SCN7A: variants seen among roughly 807,000 people sequenced by gnomAD.
SCN7A encodes sodium voltage-gated channel alpha subunit 7, also known as sodium channel protein type 7 subunit alpha.
Under a neutral mutation model 155.2 loss-of-function variants are expected in SCN7A, and 138 were observed. The observed-to-expected ratio is 0.89, with a 90% CI of 0.77 to 1.02. SCN7A has a LOEUF of 1.02. Ranked by LOEUF, SCN7A falls within the 50% of genes least tolerant of loss-of-function variation. The pLI, the probability that SCN7A is intolerant of heterozygous loss-of-function variation, is 0.00. For missense variants in SCN7A, 2,058 were observed against 1,986.6 expected (o/e 1.04, Z -0.68); for synonymous variants, 693 against 649.0 (o/e 1.07, Z -1.03).
Position 166,432,478 on chromosome 2 carries a change from CT to C in SCN7A, c.2431del (p.Ser811AlafsTer35). ...TQDFLKDKEK[S>X]SGTEKNATEN... ...AGTAGCGTTTTTCTCTGTGCCACTG[CT>C]TTTTTCCTTATCTTTGAGAAAATCT... On this transcript the variant is annotated frameshift_variant, in exon 16 of 26. Transcript: ENST00000643258. LOFTEE classifies it high-confidence loss of function. 6.2e-7 allele frequency: 1 copy of C among 1,613,582 alleles called. No homozygotes were observed.
At chr2:166,449,790 A>AAAAAAC (rs898170607) in intron 11 of SCN7A, among the ~76,000 whole-genome samples, 8 of 152,340 alleles carry the variant, frequency 5.3e-5, no homozygotes, top group East Asian at 1.9e-4. Flanking sequence ...AAAAGACCAA[A>AAAAAAC]AAAAACAAAA....
At chr2:166,465,211 G>A (rs1702502347) in intron 9 of SCN7A, among the ~76,000 whole-genome samples, 1 of 152,136 alleles carries the variant, frequency 6.6e-6, no homozygotes, top group African/African-American at 2.4e-5. Flanking sequence ...CACCAAACTG[G>A]CCCAGCACCT....
At chr2:166,414,853 T>TATAATATATAATACATATTTTATAGG (rs1559089423) in intron 21 of SCN7A, 22 of 96,314 alleles carry the variant, frequency 2.3e-4, no homozygotes, top group South Asian at 9.2e-4. Flanking sequence ...ATATAGGATA[T>TATAATATATAATACATATTTTATAGG]ATAATATATA....
At chr2:166,426,776 C>T (rs1445268470) in intron 18 of SCN7A, among the ~76,000 whole-genome samples, 2 of 152,146 alleles carry the variant, frequency 1.3e-5, no homozygotes, top group Non-Finnish European at 2.9e-5. Flanking sequence ...GTTTCTCAAT[C>T]TAAGTCACAA....
At chr2:166,471,886 G>T (rs1310845421) in intron 6 of SCN7A, among the ~76,000 whole-genome samples, 1 of 151,844 alleles carries the variant, frequency 6.6e-6, no homozygotes, top group African/African-American at 2.4e-5. Flanking sequence ...TCACTAAAAG[G>T]CACACTTAAA....
intron 20 of SCN7A, among the ~76,000 whole-genome samples, chr2:166,418,362 C>T (rs968865466): frequency 1.4e-4 from 20 of 143,852 alleles, no homozygotes; most frequent in Non-Finnish European, 2.7e-4. Flanking sequence ...GAACTCCTGA[C>T]CTCAGGTGAT....
chr2:166,420,781 TTTCA>T (rs1701494317), intron 20 of SCN7A, among the ~76,000 whole-genome samples: 3 of 152,054 alleles, frequency 2.0e-5, no homozygotes, highest in African/African-American at 4.8e-5. Flanking sequence ...CAAACTTTTC[TTTCA>T]TTCAGTGAGT....
At chr2:166,423,821 T>C (rs1701563669) in intron 18 of SCN7A, among the ~76,000 whole-genome samples, 1 of 152,132 alleles carries the variant, frequency 6.6e-6, no homozygotes. Flanking sequence ...CACAGATATA[T>C]GCCACTTACT....
chr2:166,447,315 A>C (rs955618137), intron 12 of SCN7A, among the ~76,000 whole-genome samples: 2 of 152,166 alleles, frequency 1.3e-5, no homozygotes, highest in Non-Finnish European at 2.9e-5. Flanking sequence ...TCTAGAAGGG[A>C]CCTTGAGATA....
At position 166,406,595 on chromosome 2, in the gene SCN7A, A is replaced by T; in HGVS notation, c.4034T>A (p.Val1345Glu). The change falls in exon 26 of 26, where the codon GTG becomes GAG. Residue 1345 changes from valine to glutamate, a missense_variant. Physicochemically the swap from Val to Glu is moderately radical, Grantham distance 121. Coordinates refer to ENST00000643258, the MANE Select transcript of SCN7A (RefSeq NM_002976.4). Reference sequence around the variant, plus strand: ...GATCCGTGAGAGAAGTATCAGTTGCACAAGTGAAGGAGGCACAAGGTAGGA... The same window carrying T: ...GATCCGTGAGAGAAGTATCAGTTGCTCAAGTGAAGGAGGCACAAGGTAGGA... ...VGSYLVPPSL[V>E]QLILLSRIIH... 6.2e-7 allele frequency: 1 copy of T among 1,612,076 alleles called. No homozygotes were observed. Among genetic ancestry groups the T allele is most frequent in the South Asian group, 1.1e-5 (1 of 90,860 alleles).
intron 16 of SCN7A, among the ~76,000 whole-genome samples, chr2:166,431,851 T>C (rs1360560376): frequency 6.6e-6 from 1 of 152,068 alleles, no homozygotes; most frequent in Non-Finnish European, 1.5e-5. Flanking sequence ...CAAGAAGGAA[T>C]TGTAGCACTC....
chr2:166,430,107 C>T (rs1347694939), intron 16 of SCN7A, among the ~76,000 whole-genome samples: 1 of 151,770 alleles, frequency 6.6e-6, no homozygotes, highest in Non-Finnish European at 1.5e-5. Context: ...AAGGCAAGCG[C>T]ATTTTAACAT....
chr2:166,435,685 T>G (rs1701824532), intron 15 of SCN7A, among the ~76,000 whole-genome samples: 1 of 152,182 alleles, frequency 6.6e-6, no homozygotes, highest in South Asian at 2.1e-4. Context: ...CATCTTAACA[T>G]ATATTTAATT....
At chr2:166,425,004 G>T (rs1701591613) in intron 18 of SCN7A, among the ~76,000 whole-genome samples, 1 of 152,104 alleles carries the variant, frequency 6.6e-6, no homozygotes, top group Admixed American at 6.6e-5. Context: ...CACCCCGCCT[G>T]AGAGGCAATG....
intron 20 of SCN7A, among the ~76,000 whole-genome samples, chr2:166,418,257 A>G (rs899003205): frequency 5.2e-5 from 7 of 135,810 alleles, no homozygotes; most frequent in South Asian, 4.6e-4. Context: ...AGTAGCTGAC[A>G]TTACAGGCAC....
intron 18 of SCN7A, among the ~76,000 whole-genome samples, chr2:166,424,586 T>C (rs1224286349): frequency 6.6e-6 from 1 of 151,940 alleles, no homozygotes; most frequent in African/African-American, 2.4e-5. Context: ...TAGTTCATAA[T>C]AATAGAGGGA....
intron 8 of SCN7A, 117 bp from the exon 9 acceptor site, chr2:166,465,648 G>A (rs1195117252): frequency 1.0e-5 from 13 of 1,246,734 alleles, no homozygotes; most frequent in Non-Finnish European, 1.3e-5. Context: ...GAAGAAAAGA[G>A]CAAATATCCT....
chr2:166,453,533 T>A (rs1441234408), intron 11 of SCN7A, among the ~76,000 whole-genome samples: 1 of 152,230 alleles, frequency 6.6e-6, no homozygotes, highest in East Asian at 1.9e-4. Context: ...CTTAGTGCTT[T>A]ACATGCATTT....
chr2:166,422,628 G>A (rs1433434142), intron 19 of SCN7A, among the ~76,000 whole-genome samples: 4 of 152,094 alleles, frequency 2.6e-5, no homozygotes, highest in Non-Finnish European at 5.9e-5. Flanking sequence ...ACCTGGACAG[G>A]GGGAAGGAAG....
Sources: allele counts gnomAD v4.1 joint callset (sites outside exome capture counted in the v4.1 genomes callset), GRCh38; gene constraint gnomAD v4.1.1; transcripts MANE v1.5; gene names NCBI Gene and HGNC (gene_info 2026-07-23, HGNC 2026-07-21).